The following HDAC9 variants were observed in gnomAD, a reference collection of about 807,000 sequenced individuals.
HDAC9 encodes MEF-2 interacting transcription repressor (MITR) protein.
In HDAC9, 41 loss-of-function variants were observed where a neutral mutation model predicts 139.4. The ratio of observed to expected loss-of-function variants is 0.29; its 90% confidence interval spans 0.23 to 0.38. The LOEUF is 0.38. Among genes scored for constraint, HDAC9 ranks in the 10% least tolerant of loss-of-function variants. HDAC9 has a pLI of 1.00. For missense variants in HDAC9, 1,147 were observed against 1,297.0 expected (o/e 0.88, Z 1.78); for synonymous variants, 517 against 476.2 (o/e 1.09, Z -1.12).
intron 17 of HDAC9, 102 bp from the exon 18 acceptor site, chr7:18,829,059 T>C (rs549546467): frequency 2.5e-6 from 2 of 810,948 alleles, no homozygotes; most frequent in Non-Finnish European, 4.4e-6. Flanking sequence ...TTCAGTTTTG[T>C]GTGTGTGTGC....
At chr7:18,711,138 C>A (rs1401757042) in intron 12 of HDAC9, among the ~76,000 whole-genome samples, 1 of 152,162 alleles carries the variant, frequency 6.6e-6, no homozygotes, top group Non-Finnish European at 1.5e-5. Flanking sequence ...GTAGATACTA[C>A]TGTTATTGAA....
chr7:18,958,017 C>A (rs1783277923), intron 24 of HDAC9, among the ~76,000 whole-genome samples: 1 of 152,158 alleles, frequency 6.6e-6, no homozygotes, highest in Non-Finnish European at 1.5e-5. Context: ...TTTTTGAGAA[C>A]TGAGTCCCCC....
At chr7:18,403,669 A>G (rs1787749703) in intron 1 of HDAC9, among the ~76,000 whole-genome samples, 1 of 152,226 alleles carries the variant, frequency 6.6e-6, no homozygotes, top group African/African-American at 2.4e-5. Context: ...TCACTCATAA[A>G]CATTTATTGA....
chr7:18,965,783 C>G (rs1001237704), intron 24 of HDAC9, among the ~76,000 whole-genome samples: 5 of 152,126 alleles, frequency 3.3e-5, no homozygotes, highest in African/African-American at 9.7e-5. Context: ...CATTTCTGGC[C>G]AATCATAGAG....
intron 22 of HDAC9, among the ~76,000 whole-genome samples, chr7:18,892,407 G>T (rs1379327325): frequency 6.6e-6 from 1 of 152,098 alleles, no homozygotes; most frequent in Admixed American, 6.6e-5. Context: ...GCATAAAAAA[G>T]ATAAGAAAGG....
intron 13 of HDAC9, among the ~76,000 whole-genome samples, chr7:18,733,493 C>T (rs963241299): frequency 6.6e-6 from 1 of 151,292 alleles, no homozygotes; most frequent in Non-Finnish European, 1.5e-5. Context: ...TTTCAAAAAA[C>T]TCTTCCAAAA....
rs567025568 is a variant in HDAC9, at chr7:18,950,539, C to A, written c.2938-3607C>A. Among the ~76,000 whole-genome samples, 4 of 152,138 alleles carry A rather than the reference C, an allele frequency of 2.6e-5. No homozygotes were observed. The East Asian group carries it at 7.7e-4, about 29-fold the overall frequency. On this transcript the variant is annotated intron_variant, in intron 23 of 25. Coordinates refer to ENST00000686413, the MANE Select transcript of HDAC9 (RefSeq NM_178425.4). ...GTTATTTTTTCGATTAAGTATTTCTCCATTTATTCAACATTTTTAAAATGT... is the reference window on the plus strand; with the variant it reads ...GTTATTTTTTCGATTAAGTATTTCTACATTTATTCAACATTTTTAAAATGT...
intron 1 of HDAC9, among the ~76,000 whole-genome samples, chr7:18,333,342 C>T (rs1400683524): frequency 2.0e-5 from 3 of 151,438 alleles, no homozygotes; most frequent in African/African-American, 7.3e-5. Context: ...TCATGTACAA[C>T]ATGAGGATTA....
intron 1 of HDAC9, among the ~76,000 whole-genome samples, chr7:18,317,678 A>C (rs1175525249): frequency 6.6e-6 from 1 of 152,184 alleles, no homozygotes; most frequent in Admixed American, 6.5e-5. Flanking sequence ...ACTGCTGCCT[A>C]AAGTAGTGTC....
At chr7:18,389,390 C>G (rs1243470194) in intron 1 of HDAC9, among the ~76,000 whole-genome samples, 1 of 152,148 alleles carries the variant, frequency 6.6e-6, no homozygotes, top group African/African-American at 2.4e-5. Context: ...TTCTTCAGGG[C>G]CCTGTAGTGA....
At chr7:18,495,697 T>G (rs1796761664), upstream of HDAC9, 2 of 973,300 alleles carry the variant, frequency 2.1e-6, no homozygotes, top group African/African-American at 1.8e-5. Flanking sequence ...CATATGCAAA[T>G]GGATTATCAC....
chr7:18,740,510 C>T (rs1287970672), intron 13 of HDAC9, among the ~76,000 whole-genome samples: 1 of 152,192 alleles, frequency 6.6e-6, no homozygotes, highest in Non-Finnish European at 1.5e-5. Context: ...TGTGTGTGTT[C>T]TGACTGCTCC....
intron 2 of HDAC9, among the ~76,000 whole-genome samples, chr7:18,177,349 C>A (rs1019546407): frequency 2.5e-4 from 38 of 152,292 alleles, no homozygotes; most frequent in African/African-American, 8.9e-4. Context: ...CTCTTCTCAG[C>A]CTAACTCTGA....
intron 2 of HDAC9, among the ~76,000 whole-genome samples, chr7:18,571,968 C>CTTT (rs756527482): frequency 7.0e-6 from 1 of 142,394 alleles, no homozygotes. Context: ...ACCAATGAAA[C>CTTT]TTTTTTTTTT....
chr7:18,717,486 C>G (rs894954618), intron 12 of HDAC9, among the ~76,000 whole-genome samples: 3 of 144,888 alleles, frequency 2.1e-5, no homozygotes, highest in Admixed American at 7.0e-5. Context: ...GGCTGGAGTA[C>G]AGTGGCGCGA....
rs993281448 is a variant in HDAC9 at position 18,749,216 on chromosome 7, T to C, written c.2043+78T>C. On this transcript the variant is annotated intron_variant, in intron 14 of 25. Transcript: ENST00000686413. ...AGGCCAGTATTCATTTGGGGAGTAA[T>C]AGAAAAATATTAACCATATAGTGCA... 9 of 1,429,306 alleles carry C rather than the reference T, an allele frequency of 6.3e-6. No individual in the cohort carries two copies. In the African/African-American group the frequency reaches 7.1e-5, roughly 11 times the overall value. The allele number at this position is 1,429,306 out of a possible 1,614,324, so 88.5% of individuals were successfully genotyped here.
chr7:18,820,513 G>A (rs1187573011), intron 17 of HDAC9, among the ~76,000 whole-genome samples: 6 of 152,102 alleles, frequency 3.9e-5, no homozygotes, highest in Non-Finnish European at 7.3e-5. Context: ...AAGAAAGAAG[G>A]TGTTGTGCTC....
chr7:18,891,370 G>A (rs1405096669), intron 22 of HDAC9, among the ~76,000 whole-genome samples: 1 of 152,172 alleles, frequency 6.6e-6, no homozygotes, highest in Non-Finnish European at 1.5e-5. Flanking sequence ...ATGGTTCCAG[G>A]AAGGTCCTCT....
intron 1 of HDAC9, among the ~76,000 whole-genome samples, chr7:18,334,792 C>CT (rs1781464250): frequency 6.6e-6 from 1 of 151,470 alleles, no homozygotes; most frequent in Non-Finnish European, 1.5e-5. Context: ...GGTTCGATGT[C>CT]TATAAGGAGA....
Sources: gnomAD v4.1 joint callset for allele counts (sites outside exome capture counted in the v4.1 genomes callset) on GRCh38, gnomAD v4.1.1 for gene constraint, MANE v1.5 for transcripts, NCBI Gene and HGNC (gene_info 2026-07-23, HGNC 2026-07-21) for gene names.